BMP6: variants seen among roughly 807,000 people sequenced by gnomAD.
The protein encoded by BMP6 is bone morphogenetic protein 6, also known as VG-1-R.
BMP6 carries 17 observed loss-of-function variants against 54.1 expected under a neutral mutation model. The observed-to-expected ratio is 0.31, with a 90% CI of 0.22 to 0.47. The LOEUF (loss-of-function observed/expected upper bound fraction) is 0.47. Ranked by LOEUF, BMP6 falls within the 20% of genes least tolerant of loss-of-function variation. The pLI is 1.00. For missense variants in BMP6, 720 were observed against 690.4 expected, an observed-to-expected ratio of 1.04 and a Z score of -0.48; for synonymous variants, 328 against 291.2, an observed-to-expected ratio of 1.13 and a Z score of -1.28.
chr6:7,756,615 A>G (rs1380110711), intron 1 of BMP6, among the ~76,000 whole-genome samples: 1 of 152,066 alleles, frequency 6.6e-6, no homozygotes, highest in Non-Finnish European at 1.5e-5. Context: ...TGAGCACGCA[A>G]AGATGCTGTG....
At chr6:7,801,488 A>T (rs1333077954) in intron 1 of BMP6, among the ~76,000 whole-genome samples, 1 of 152,242 alleles carries the variant, frequency 6.6e-6, no homozygotes, top group Non-Finnish European at 1.5e-5. Context: ...TCTGAGATCC[A>T]TAGTGATCAA....
At chr6:7,849,413 C>G (rs1759110806) in intron 2 of BMP6, among the ~76,000 whole-genome samples, 1 of 151,992 alleles carries the variant, frequency 6.6e-6, no homozygotes, top group African/African-American at 2.4e-5. Context: ...TGTCAGTTTA[C>G]TTCTTTACTA....
intron 1 of BMP6, among the ~76,000 whole-genome samples, chr6:7,814,974 TAAAGTA>T (rs1450228351): frequency 2.6e-5 from 4 of 152,174 alleles, no homozygotes; most frequent in Non-Finnish European, 4.4e-5. Context: ...TCCCAGAACT[TAAAGTA>T]AAATAATAAT....
In BMP6 at chr6:7,726,919, C is replaced by T. The variant is rs1292736390; in HGVS notation, c.-37C>T. 7.1e-6 allele frequency: 8 copies of T among 1,126,028 alleles called. No homozygotes were observed. The East Asian group carries it at 1.4e-4, about 19-fold the overall frequency. 69.8% of individuals were successfully genotyped at this position (1,126,028 alleles called of 1,614,324 possible). ...CCGGCCTCGCTCCGCCGCTCCACGC[C>T]TCGCGGGATCCGCGGGGGCAGCCCG... On this transcript the variant is annotated 5_prime_UTR_variant, in exon 1 of 7. Coordinates refer to ENST00000283147, the MANE Select transcript of BMP6 (RefSeq NM_001718.6).
chr6:7,812,000 C>T (rs1003623228), intron 1 of BMP6, among the ~76,000 whole-genome samples: 1 of 152,176 alleles, frequency 6.6e-6, no homozygotes, highest in Non-Finnish European at 1.5e-5. Context: ...TTTGTATCAA[C>T]ATAGGCAGGT....
chr6:7,793,587 A>T (rs563663626), intron 1 of BMP6, among the ~76,000 whole-genome samples: 1 of 152,078 alleles, frequency 6.6e-6, no homozygotes, highest in African/African-American at 2.4e-5. Flanking sequence ...TTGGTGCAGG[A>T]TGTTGATATG....
intron 4 of BMP6, among the ~76,000 whole-genome samples, chr6:7,875,546 G>A (rs1482701934): frequency 6.6e-6 from 1 of 152,098 alleles, no homozygotes; most frequent in Non-Finnish European, 1.5e-5. Context: ...GCCCGTTCTT[G>A]TAGTCCCAGC....
chr6:7,741,663 G>C (rs1248201294), intron 1 of BMP6, among the ~76,000 whole-genome samples: 1 of 152,154 alleles, frequency 6.6e-6, no homozygotes, highest in Non-Finnish European at 1.5e-5. Flanking sequence ...AAACTCCTGG[G>C]CTCAAGCGAT....
intron 2 of BMP6, among the ~76,000 whole-genome samples, chr6:7,853,994 GA>G (rs1339358094): frequency 1.1e-4 from 17 of 152,010 alleles, no homozygotes; most frequent in Non-Finnish European, 2.4e-4. Context: ...GGGTAGAAGA[GA>G]ATGTTATGGA....
intron 1 of BMP6, among the ~76,000 whole-genome samples, chr6:7,841,335 G>A (rs1234268653): frequency 6.6e-6 from 1 of 152,070 alleles, no homozygotes; most frequent in African/African-American, 2.4e-5. Context: ...GCTGAATTTG[G>A]AACTCAGCCC....
At chr6:7,791,736 G>A (rs960943328) in intron 1 of BMP6, among the ~76,000 whole-genome samples, 1 of 152,100 alleles carries the variant, frequency 6.6e-6, no homozygotes, top group African/African-American at 2.4e-5. Flanking sequence ...AGCGAATGAC[G>A]TTGCCATGTA....
intron 1 of BMP6, among the ~76,000 whole-genome samples, chr6:7,820,102 GAC>G (rs772154275): frequency 9.9e-5 from 15 of 152,142 alleles, no homozygotes; most frequent in Non-Finnish European, 2.2e-4. Context: ...CCAAAAATAA[GAC>G]AATAGAAATT....
intron 1 of BMP6, among the ~76,000 whole-genome samples, chr6:7,766,992 GTT>G (rs10557470): frequency 0.59 from 82,668 of 140,284 alleles, 24,948 homozygotes; most frequent in Non-Finnish European, 0.71. Context: ...TAGTTTGTTT[GTT>G]TTTTTTTTTT....
At chr6:7,759,175 C>T (rs1039629975) in intron 1 of BMP6, among the ~76,000 whole-genome samples, 2 of 152,058 alleles carry the variant, frequency 1.3e-5, no homozygotes, top group African/African-American at 2.4e-5. Context: ...GTTTCATATC[C>T]GTTAAGTTCC....
At chr6:7,812,683 A>G (rs1758452298) in intron 1 of BMP6, among the ~76,000 whole-genome samples, 1 of 152,202 alleles carries the variant, frequency 6.6e-6, no homozygotes, top group Admixed American at 6.5e-5. Context: ...AGCCCATATA[A>G]ATCAAGAAGA....
At chr6:7,741,052 A>C (rs1397755496) in intron 1 of BMP6, among the ~76,000 whole-genome samples, 1 of 151,600 alleles carries the variant, frequency 6.6e-6, no homozygotes. Flanking sequence ...TCATCTTTCC[A>C]TATGCTGTTA....
intron 1 of BMP6, among the ~76,000 whole-genome samples, chr6:7,794,749 C>T (rs1758167931): frequency 6.6e-6 from 1 of 152,074 alleles, no homozygotes; most frequent in Admixed American, 6.5e-5. Context: ...AAATGTGAGG[C>T]AGGGAGTTGG....
chr6:7,764,353 A>G (rs1757655100), intron 1 of BMP6, among the ~76,000 whole-genome samples: 1 of 152,196 alleles, frequency 6.6e-6, no homozygotes, highest in Admixed American at 6.5e-5. Context: ...ATAATCTGCA[A>G]CTTGGAGCAA....
At chr6:7,769,110 A>G (rs1415994928) in intron 1 of BMP6, among the ~76,000 whole-genome samples, 3 of 152,256 alleles carry the variant, frequency 2.0e-5, no homozygotes, top group Non-Finnish European at 4.4e-5. Flanking sequence ...TACTGCAGGT[A>G]GGAAAAACAA....
Sources: allele counts gnomAD v4.1 joint callset (sites outside exome capture counted in the v4.1 genomes callset), GRCh38; gene constraint gnomAD v4.1.1; transcripts MANE v1.5; gene names NCBI Gene and HGNC (gene_info 2026-07-23, HGNC 2026-07-21).